Variants in DLGAP2 observed in about 807,000 individuals in gnomAD.
The protein encoded by DLGAP2 is disks large-associated protein 2.
Under a neutral mutation model 100.3 loss-of-function variants are expected in DLGAP2, and 26 were observed. The observed-to-expected ratio is 0.26, with a 90% CI of 0.19 to 0.36. The LOEUF (loss-of-function observed/expected upper bound fraction) is 0.36. Ranked by LOEUF, DLGAP2 falls within the 10% of genes least tolerant of loss-of-function variation. DLGAP2 has a pLI of 1.00. For synonymous variants in DLGAP2, 886 were observed against 630.1 expected (o/e 1.41, Z -6.08); for missense variants, 1,858 against 1,453.2 (o/e 1.28, Z -4.53).
intron 3 of DLGAP2, among the ~76,000 whole-genome samples, chr8:1,287,513 A>G (rs1483624730): frequency 2.7e-4 from 19 of 69,466 alleles, no homozygotes; most frequent in African/African-American, 3.6e-4. Flanking sequence ...TTAGGAGGGG[A>G]ACTAGTTTTG....
chr8:757,735 T>A (rs1820956439), intron 1 of DLGAP2, among the ~76,000 whole-genome samples: 1 of 152,198 alleles, frequency 6.6e-6, no homozygotes, highest in Non-Finnish European at 1.5e-5. Context: ...TAGGTTCATG[T>A]TTTTAGCAGA....
At chr8:1,683,966 A>ATATATATATATATG (rs1295480605) in intron 12 of DLGAP2, among the ~76,000 whole-genome samples, 1 of 122,010 alleles carries the variant, frequency 8.2e-6, no homozygotes, top group Admixed American at 8.5e-5. Flanking sequence ...ATATATATAT[A>ATATATATATATATG]TATATATATA....
intron 3 of DLGAP2, among the ~76,000 whole-genome samples, chr8:1,326,648 C>G (rs985691267): frequency 6.6e-6 from 1 of 152,212 alleles, no homozygotes; most frequent in East Asian, 1.9e-4. Flanking sequence ...ACACGGCGAG[C>G]TCTTAGTCTT....
chr8:1,386,679 G>C (rs1796227535), intron 3 of DLGAP2, among the ~76,000 whole-genome samples: 1 of 152,116 alleles, frequency 6.6e-6, no homozygotes, highest in Admixed American at 6.6e-5. Context: ...GAAGGTGCGG[G>C]GATCCAGGAA....
At chr8:1,104,455 G>T (rs190275765) in intron 2 of DLGAP2, among the ~76,000 whole-genome samples, 3 of 152,224 alleles carry the variant, frequency 2.0e-5, no homozygotes, top group Non-Finnish European at 4.4e-5. Context: ...GTCACGGCAC[G>T]TGTGGGCCAG....
chr8:1,309,253 C>T (rs1405012075), intron 3 of DLGAP2, among the ~76,000 whole-genome samples: 1 of 152,104 alleles, frequency 6.6e-6, no homozygotes, highest in African/African-American at 2.4e-5. Flanking sequence ...ATCCAAGAAG[C>T]ATAATGAACT....
intron 2 of DLGAP2, among the ~76,000 whole-genome samples, chr8:990,055 A>C (rs986704328): frequency 6.6e-6 from 1 of 152,060 alleles, no homozygotes; most frequent in Non-Finnish European, 1.5e-5. Context: ...TTCATTACAG[A>C]TCACTGCTTC....
intron 4 of DLGAP2, among the ~76,000 whole-genome samples, chr8:1,540,905 C>T (rs1039433221): frequency 1.3e-5 from 2 of 152,200 alleles, no homozygotes; most frequent in African/African-American, 4.8e-5. Context: ...ATTTTTCTTA[C>T]AAAACATTTA....
chr8:833,300 C>G (rs1422016390), intron 1 of DLGAP2, among the ~76,000 whole-genome samples: 8 of 152,216 alleles, frequency 5.3e-5, no homozygotes, highest in Non-Finnish European at 1.0e-4. Context: ...TTACCACACA[C>G]TTCTTGGCTT....
chr8:1,307,829 CAGAA>C (rs1800525451), intron 3 of DLGAP2, among the ~76,000 whole-genome samples: 1 of 152,050 alleles, frequency 6.6e-6, no homozygotes, highest in South Asian at 2.1e-4. Context: ...TTCATAAAGA[CAGAA>C]AGTAGAAAGG....
intron 3 of DLGAP2, among the ~76,000 whole-genome samples, chr8:1,332,180 C>T (rs1050563548): frequency 6.6e-6 from 1 of 151,936 alleles, no homozygotes; most frequent in African/African-American, 2.4e-5. Flanking sequence ...CGAATGTGAG[C>T]GTATTTGCGT....
chr8:897,828 C>T (rs1018604531), intron 1 of DLGAP2, among the ~76,000 whole-genome samples: 1 of 152,204 alleles, frequency 6.6e-6, no homozygotes, highest in African/African-American at 2.4e-5. Context: ...CTGGGGTGCT[C>T]TCCGTGCGGG....
intron 1 of DLGAP2, among the ~76,000 whole-genome samples, chr8:831,537 A>G (rs1796783612): frequency 6.6e-6 from 1 of 152,188 alleles, no homozygotes; most frequent in Non-Finnish European, 1.5e-5. Context: ...CCTGCAAAGG[A>G]CGTGAACTCA....
rs1387347317 is a variant in DLGAP2, at chr8:1,157,122, T to G, written c.74-101729T>G. On this transcript the variant is annotated intron_variant, in intron 2 of 14. Transcript: ENST00000637795. Reference sequence around the variant, plus strand: ...ACAGACTTTGGTTTATCCTTTGGTCTTTCCTGGGCTTGTGGATTTACTGGT... The same window carrying G: ...ACAGACTTTGGTTTATCCTTTGGTCGTTCCTGGGCTTGTGGATTTACTGGT... 2.0e-5 allele frequency among the ~76,000 whole-genome samples: 3 copies of G among 152,186 alleles called. 1 individual carries two copies. The highest frequency in any genetic ancestry group is 2.0e-4 in the Admixed American group (3 of 15,284).
At chr8:1,136,086 G>A (rs1796404603) in intron 2 of DLGAP2, among the ~76,000 whole-genome samples, 1 of 151,660 alleles carries the variant, frequency 6.6e-6, no homozygotes, top group South Asian at 2.1e-4. Flanking sequence ...TTCACGCAAG[G>A]GATTTGAGAT....
chr8:1,141,356 G>C (rs544170319), intron 2 of DLGAP2, among the ~76,000 whole-genome samples: 3 of 152,258 alleles, frequency 2.0e-5, no homozygotes, highest in Non-Finnish European at 2.9e-5. Context: ...AAACCCAATT[G>C]GACCTGATTT....
intron 2 of DLGAP2, among the ~76,000 whole-genome samples, chr8:1,011,090 A>G (rs1801267671): frequency 6.7e-6 from 1 of 150,222 alleles, no homozygotes; most frequent in South Asian, 2.1e-4. Flanking sequence ...GAGCCCTGGA[A>G]TGAGGTACCT....
rs114038436 is a variant in DLGAP2, at chr8:1,192,489, A to G, written c.74-66362A>G. Among the ~76,000 whole-genome samples the G allele has an allele frequency of 6.3e-3, 960 of 151,992 alleles. 8 individuals carry two copies. The highest frequency in any genetic ancestry group is 0.021 in the African/African-American group (874 of 41,440). ...TGAACTGCAGTCACCGTGATGAGCA[A>G]TAGAGCTCTTAAACCTGCTCCTCCG... On this transcript the variant is annotated intron_variant, in intron 2 of 14. Transcript: ENST00000637795.
intron 1 of DLGAP2, among the ~76,000 whole-genome samples, chr8:849,348 G>A (rs1241040176): frequency 6.6e-6 from 1 of 152,242 alleles, no homozygotes; most frequent in Non-Finnish European, 1.5e-5. Context: ...GGATTCATTT[G>A]CTGAAAGCAC....
Sources: allele counts gnomAD v4.1 joint callset (sites outside exome capture counted in the v4.1 genomes callset), GRCh38; gene constraint gnomAD v4.1.1; transcripts MANE v1.5; gene names NCBI Gene and HGNC (gene_info 2026-07-23, HGNC 2026-07-21).